UBE2T: variants seen among roughly 807,000 people sequenced by gnomAD.
UBE2T encodes the protein ubiquitin-conjugating enzyme E2 T.
In UBE2T, 15 loss-of-function variants were observed where a neutral mutation model predicts 23.3. That is an observed-to-expected ratio of 0.64 (90% CI 0.43 to 0.99). The LOEUF is 0.99. Ranked by LOEUF, UBE2T falls within the 50% of genes least tolerant of loss-of-function variation. The pLI, the probability that UBE2T is intolerant of heterozygous loss-of-function variation, is 0.00. For synonymous variants in UBE2T, 67 were observed against 78.4 expected (o/e 0.85, Z 0.77); for missense variants, 197 against 234.9 (o/e 0.84, Z 1.05).
intron 1 of UBE2T, among the ~76,000 whole-genome samples, chr1:202,340,189 G>A (rs370089110): frequency 2.0e-5 from 3 of 151,300 alleles, no homozygotes; most frequent in Admixed American, 6.6e-5. Flanking sequence ...CAGCCTGGGC[G>A]ACAGAGCAAG....
intron 1 of UBE2T, among the ~76,000 whole-genome samples, chr1:202,340,740 A>G (rs1654983749): frequency 6.6e-6 from 1 of 152,206 alleles, no homozygotes; most frequent in South Asian, 2.1e-4. Context: ...AGTATAAAGT[A>G]TACCTTTATA....
At chr1:202,340,254 C>T (rs1264916859) in intron 1 of UBE2T, among the ~76,000 whole-genome samples, 2 of 150,814 alleles carry the variant, frequency 1.3e-5, no homozygotes, top group African/African-American at 4.9e-5. Context: ...TGGCTCACAC[C>T]TGTAATCCCA....
chr1:202,333,101 G>A lies in UBE2T; in HGVS notation c.385-8C>T. 6.2e-7 allele frequency: 1 copy of A among 1,612,158 alleles called. No homozygotes were observed. The highest frequency in any genetic ancestry group is 2.2e-5 in the East Asian group (1 of 44,874). On this transcript the variant is annotated splice_polypyrimidine_tract_variant and splice_region_variant and intron_variant, in intron 5 of 6. Transcript: ENST00000646651. ...ATATTTAAATTCTGAGGACTGAGAT[G>A]AAATCAAAGAAAAGAGTTAATGGAG...
rs756434392 is a variant in UBE2T, at chr1:202,333,535, T to A, written c.200A>T (p.Gln67Leu). Reference protein sequence around the residue: ...IPERYPFEPPQIRFLTPIYHP... With the variant: ...IPERYPFEPPLIRFLTPIYHP... Reference sequence around the variant, plus strand: ...ATAAATTGGAGTGAGAAATCGGATCTGAGGAGGTTCAAATGGGTACCTATG... The same window carrying A: ...ATAAATTGGAGTGAGAAATCGGATCAGAGGAGGTTCAAATGGGTACCTATG... Residue 67 changes from glutamine (Q) to leucine (L), a missense_variant, in exon 4 of 7, where the codon CAG becomes CTG. Physicochemically the swap from Gln to Leu is moderately radical, Grantham distance 113. Transcript: ENST00000646651. 1.9e-6 allele frequency: 3 copies of A among 1,614,102 alleles called. No individual in the cohort carries two copies. In the Admixed American group the frequency reaches 5.0e-5, roughly 27 times the overall value.
chr1:202,338,218 G>A (rs1303327783), intron 1 of UBE2T, among the ~76,000 whole-genome samples: 1 of 151,836 alleles, frequency 6.6e-6, no homozygotes, highest in Admixed American at 6.6e-5. Flanking sequence ...AAATCTAATT[G>A]ATTTTTTTTT....
At chr1:202,332,011 T>C (rs779270309) in intron 6 of UBE2T, 51 bp from the exon 7 acceptor site, 1 of 1,594,222 alleles carries the variant, frequency 6.3e-7, no homozygotes, top group East Asian at 2.2e-5. Context: ...AATGCCAGGA[T>C]GGAGAAAAAT....
Position 202,335,465 on chromosome 1 carries a change from CAAA to C in UBE2T, c.109+178_109+180del. 1.6e-6 allele frequency: 1 copy of C among 623,440 alleles called. No homozygotes were observed. The highest frequency in any genetic ancestry group is 2.8e-5 in the East Asian group (1 of 35,920). 38.6% of individuals were successfully genotyped at this position (623,440 alleles called of 1,614,324 possible). A position where few individuals can be genotyped will look rare whatever the true frequency, so the allele number is the denominator to read the frequency against. On this transcript the variant is annotated intron_variant, in intron 2 of 6. Coordinates refer to ENST00000646651, the MANE Select transcript of UBE2T (RefSeq NM_014176.4). This position sits in a 1 kb window ranked among gnomAD's most constrained non-coding sequence, Gnocchi z 4.0. ...ATCAGCATAAGGTATAATAAAAAGT[CAAA>C]GAAGCAAGAAATGTCAAGCAAACCT...
rs1654860764 is a variant in UBE2T, at chr1:202,335,533, G to A, written c.109+113C>T. 1 of 968,562 alleles carries A rather than the reference G, an allele frequency of 1.0e-6. No individual in the cohort carries two copies. The highest frequency in any genetic ancestry group is 1.5e-6 in the Non-Finnish European group (1 of 645,318). 60.0% of individuals were successfully genotyped at this position (968,562 alleles called of 1,614,324 possible). A position where few individuals can be genotyped will look rare whatever the true frequency, so the allele number is the denominator to read the frequency against. On this transcript the variant is annotated intron_variant, in intron 2 of 6. Coordinates refer to ENST00000646651, the MANE Select transcript of UBE2T (RefSeq NM_014176.4). The surrounding 1 kb of genome is among the most constrained non-coding windows in gnomAD (Gnocchi z 4.0). ...CAAATTTGGGTAGAAAGATGGTAGG[G>A]CACTCTGACCTTATAACTGCTCCTT...
rs1248545981 is a variant in UBE2T, at chr1:202,335,034, G to A, written c.134C>T (p.Pro45Leu). Residue 45 changes from proline to leucine, a missense_variant, in exon 3 of 7, where the codon CCT becomes CTT. Transcript: ENST00000646651. This position sits in a 1 kb window ranked among gnomAD's most constrained non-coding sequence, Gnocchi z 4.0. ...TAGCTTAAAAACACCTTTCTCATAA[G>A]GTGTGTTGGCTCCACCTAATATTTC... ...RAQILGGANT[P>L]YEKGVFKLEV... The A allele has an allele frequency of 3.1e-6, 5 of 1,612,024 alleles. No individual in the cohort carries two copies. The Admixed American group carries it at 8.4e-5, about 27-fold the overall frequency.
intron 6 of UBE2T, among the ~76,000 whole-genome samples, chr1:202,332,662 A>G (rs1456393156): frequency 1.3e-5 from 2 of 151,938 alleles, no homozygotes; most frequent in African/African-American, 4.8e-5. Flanking sequence ...TAATCCCAGC[A>G]CTTTGGGAGG....
Position 202,334,972 on chromosome 1 carries a change from A to T in UBE2T, c.179+17T>A, listed in dbSNP as rs553614537. Reference sequence around the variant, plus strand: ...ATGCACTTCACCATGTAGGTTGAGAAGCTGATTCATACTAACCTCTCAGGA... The same window carrying T: ...ATGCACTTCACCATGTAGGTTGAGATGCTGATTCATACTAACCTCTCAGGA... On this transcript the variant is annotated intron_variant, in intron 3 of 6. Transcript: ENST00000646651. The T allele has an allele frequency of 1.1e-5, 18 of 1,608,842 alleles. No homozygotes were observed. The highest frequency in any genetic ancestry group is 1.4e-5 in the Non-Finnish European group (17 of 1,176,950).
chr1:202,338,748 C>T (rs1408098567), intron 1 of UBE2T, among the ~76,000 whole-genome samples: 1 of 152,074 alleles, frequency 6.6e-6, no homozygotes, highest in East Asian at 1.9e-4. Context: ...TGGCATGAGC[C>T]TGTAATCCCA....
rs60785340 is a variant in UBE2T, at chr1:202,336,210, C to CTTT, written c.-64-395_-64-393dup. ...TACAGGCGTGAGCCAATGCACCCAG[C>CTTT]TTTTTTTTTTTTTTTTTTTTTTTTT... On this transcript the variant is annotated intron_variant, in intron 1 of 6. Transcript: ENST00000646651. Among the ~76,000 whole-genome samples the CTTT allele has an allele frequency of 1.2e-4, 4 of 34,332 alleles. 1 individual carries two copies. The highest frequency in any genetic ancestry group is 2.1e-4 in the African/African-American group (2 of 9,322). The allele number at this position is 34,332 out of a possible 152,430, so 22.5% of individuals were successfully genotyped here. A position where few individuals can be genotyped will look rare whatever the true frequency, so the allele number is the denominator to read the frequency against.
intron 1 of UBE2T, among the ~76,000 whole-genome samples, chr1:202,336,612 G>T (rs1659020066): frequency 1.3e-5 from 2 of 152,068 alleles, no homozygotes; most frequent in South Asian, 4.1e-4. Flanking sequence ...GCTTACTATT[G>T]TAGCCTTAGC....
rs1048855915 is a variant in UBE2T at position 202,331,768 on chromosome 1, T to G, written c.*67A>C. ...TCATCAAATATATTTAAAAAAAAAT[T>G]CAAGGTAGGCAACTTAGATCACCTT... On this transcript the variant is annotated 3_prime_UTR_variant, in exon 7 of 7. Transcript: ENST00000646651. 1.3e-6 allele frequency: 2 copies of G among 1,575,834 alleles called. No individual in the cohort carries two copies. Among genetic ancestry groups the G allele is most frequent in the African/African-American group, 1.4e-5 (1 of 72,916 alleles).
intron 3 of UBE2T, 81 bp from the exon 4 acceptor site, chr1:202,333,636 T>C (rs1266989205): frequency 7.7e-7 from 1 of 1,305,662 alleles, no homozygotes; most frequent in Non-Finnish European, 1.1e-6. Context: ...TTGGTCACAA[T>C]AATTTTGGTA....
At chr1:202,333,685 C>T (rs2148339773) in intron 3 of UBE2T, 130 bp from the exon 4 acceptor site, 1 of 727,126 alleles carries the variant, frequency 1.4e-6, no homozygotes, top group East Asian at 2.8e-5. Context: ...GGGAGGCAAA[C>T]TTTCTCTCTT....
chr1:202,335,605 T>C lies in UBE2T; in HGVS notation c.109+41A>G, dbSNP rs778516663. The C allele has an allele frequency of 7.0e-6, 11 of 1,576,894 alleles. No homozygotes were observed. The highest frequency in any genetic ancestry group is 6.7e-5 in the Admixed American group (4 of 59,890). On this transcript the variant is annotated intron_variant, in intron 2 of 6. Transcript: ENST00000646651. The surrounding 1 kb of genome is among the most constrained non-coding windows in gnomAD (Gnocchi z 4.0). Reference sequence around the variant, plus strand: ...TGTTTTATTTCAGCACAATCTTCAATAGGGTCATGACTTTCATCATATACA... The same window carrying C: ...TGTTTTATTTCAGCACAATCTTCAACAGGGTCATGACTTTCATCATATACA...
chr1:202,332,551 T>C (rs1301821010), intron 6 of UBE2T, among the ~76,000 whole-genome samples: 6 of 152,118 alleles, frequency 3.9e-5, no homozygotes. Flanking sequence ...ATTTAGAAGG[T>C]TGCAATAGGA....
Sources: gnomAD v4.1 joint callset for allele counts (sites outside exome capture counted in the v4.1 genomes callset) on GRCh38, gnomAD v4.1.1 for gene constraint, Gnocchi (gnomAD v3.1) non-coding constraint, MANE v1.5 for transcripts, NCBI Gene and HGNC (gene_info 2026-07-23, HGNC 2026-07-21) for gene names.